The following ZFPM2 variants were observed in gnomAD, a reference collection of about 807,000 sequenced individuals.
ZFPM2 encodes the protein zinc finger protein ZFPM2.
A neutral mutation model predicts 98.6 loss-of-function variants in ZFPM2; 20 were observed. That is an observed-to-expected ratio of 0.20 (90% CI 0.14 to 0.29). The LOEUF is 0.29. ZFPM2 is among the 10% of genes least tolerant of loss of function. The pLI is 1.00. For missense variants in ZFPM2, 1,310 were observed against 1,388.6 expected, an observed-to-expected ratio of 0.94 and a Z score of 0.90; for synonymous variants, 518 against 502.7, an observed-to-expected ratio of 1.03 and a Z score of -0.41.
intron 3 of ZFPM2, among the ~76,000 whole-genome samples, chr8:105,516,502 G>GT (rs1289180549): frequency 6.6e-6 from 1 of 152,140 alleles, no homozygotes; most frequent in Admixed American, 6.5e-5. Context: ...AATAGTGGTA[G>GT]TTTTTAAAAT....
intron 4 of ZFPM2, among the ~76,000 whole-genome samples, chr8:105,589,779 C>T (rs1815802884): frequency 6.6e-6 from 1 of 152,100 alleles, no homozygotes; most frequent in Non-Finnish European, 1.5e-5. Flanking sequence ...AGTGCAGTGG[C>T]TCAATCTCAG....
intron 1 of ZFPM2, among the ~76,000 whole-genome samples, chr8:105,370,770 T>C (rs1202532391): frequency 6.6e-6 from 1 of 152,236 alleles, no homozygotes; most frequent in Non-Finnish European, 1.5e-5. Context: ...TGTGCTGTAT[T>C]TTATGCCTGA....
intron 1 of ZFPM2, among the ~76,000 whole-genome samples, chr8:105,389,679 CTG>C (rs1174364247): frequency 3.3e-5 from 5 of 152,160 alleles, no homozygotes; most frequent in African/African-American, 1.2e-4. Flanking sequence ...TTTGTAGAGT[CTG>C]TGGTGCTTTG....
intron 5 of ZFPM2, among the ~76,000 whole-genome samples, chr8:105,731,746 GTAATT>G (rs1330000952): frequency 6.6e-6 from 1 of 151,698 alleles, no homozygotes; most frequent in Non-Finnish European, 1.5e-5. Context: ...AGAATGTATT[GTAATT>G]TAATGTCCAG....
intron 2 of ZFPM2, among the ~76,000 whole-genome samples, chr8:105,423,919 T>C (rs1291724796): frequency 6.6e-6 from 1 of 152,184 alleles, no homozygotes; most frequent in South Asian, 2.1e-4. Flanking sequence ...TCCAGGAGAA[T>C]GTCACAAAAT....
chr8:105,719,343 C>T (rs1169505972), intron 5 of ZFPM2, among the ~76,000 whole-genome samples: 1 of 151,862 alleles, frequency 6.6e-6, no homozygotes, highest in African/African-American at 2.4e-5. Context: ...ACAAAAAGTA[C>T]ACACGCAATA....
intron 5 of ZFPM2, among the ~76,000 whole-genome samples, chr8:105,638,617 C>A (rs1816893407): frequency 6.6e-6 from 1 of 151,864 alleles, no homozygotes; most frequent in African/African-American, 2.4e-5. Context: ...TGACATTTTG[C>A]AAAAATGCCT....
chr8:105,657,686 T>A (rs1258597003), intron 5 of ZFPM2, among the ~76,000 whole-genome samples: 1 of 152,212 alleles, frequency 6.6e-6, no homozygotes, highest in Non-Finnish European at 1.5e-5. Flanking sequence ...TCCTTGTAGC[T>A]ACTTCACAAA....
At chr8:105,598,211 C>T (rs1383011797) in intron 4 of ZFPM2, among the ~76,000 whole-genome samples, 26 of 151,836 alleles carry the variant, frequency 1.7e-4, no homozygotes, top group African/African-American at 5.8e-4. Flanking sequence ...GGCTTGCTTG[C>T]GCGGAGTCCA....
chr8:105,751,494 A>G (rs890573554), intron 5 of ZFPM2, among the ~76,000 whole-genome samples: 5 of 152,082 alleles, frequency 3.3e-5, no homozygotes, highest in African/African-American at 1.2e-4. Flanking sequence ...CTCTGACCTC[A>G]TGACTCACAA....
chr8:105,538,853 C>T (rs182942566), intron 3 of ZFPM2, among the ~76,000 whole-genome samples: 16 of 151,998 alleles, frequency 1.1e-4, no homozygotes, highest in African/African-American at 3.9e-4. Context: ...CTCTACAAAA[C>T]ATTAAAAATA....
intron 3 of ZFPM2, among the ~76,000 whole-genome samples, chr8:105,513,988 G>A (rs948025161): frequency 6.8e-6 from 1 of 147,276 alleles, no homozygotes; most frequent in African/African-American, 2.6e-5. Flanking sequence ...TTTGAAATTA[G>A]TAGGTCCGGA....
At chr8:105,372,040 TATTATTA>T (rs1458390325) in intron 1 of ZFPM2, among the ~76,000 whole-genome samples, 5 of 143,966 alleles carry the variant, frequency 3.5e-5, no homozygotes, top group African/African-American at 1.3e-4. Flanking sequence ...TTATTATTAT[TATTATTA>T]TTTTATTTTT....
At chr8:105,467,893 GGAA>G (rs1812823641) in intron 3 of ZFPM2, among the ~76,000 whole-genome samples, 1 of 151,874 alleles carries the variant, frequency 6.6e-6, no homozygotes, top group Admixed American at 6.6e-5. Flanking sequence ...GGGGTTCATT[GGAA>G]GGGTAAGGAT....
intron 2 of ZFPM2, among the ~76,000 whole-genome samples, chr8:105,422,693 T>TA (rs1377780366): frequency 6.6e-6 from 1 of 152,132 alleles, no homozygotes; most frequent in Admixed American, 6.5e-5. Context: ...AAGGATATCT[T>TA]AAAAGTTCAG....
At chr8:105,481,663 A>G (rs1047320780) in intron 3 of ZFPM2, among the ~76,000 whole-genome samples, 27 of 152,160 alleles carry the variant, frequency 1.8e-4, no homozygotes, top group Non-Finnish European at 1.0e-4. Context: ...TTGAGCAACC[A>G]CCAATGGGTC....
chr8:105,555,607 G>T (rs112351084), intron 3 of ZFPM2, among the ~76,000 whole-genome samples: 1 of 152,088 alleles, frequency 6.6e-6, no homozygotes, highest in Non-Finnish European at 1.5e-5. Context: ...AATTATTAAA[G>T]AAATTTGTAG....
At chr8:105,638,102 T>A (rs1180470000) in intron 5 of ZFPM2, among the ~76,000 whole-genome samples, 1 of 152,024 alleles carries the variant, frequency 6.6e-6, no homozygotes, top group Non-Finnish European at 1.5e-5. Context: ...GGCTCTTCTT[T>A]CTTGTGTGGG....
At chr8:105,580,815 C>CTA (rs1815575163) in intron 4 of ZFPM2, among the ~76,000 whole-genome samples, 1 of 110,016 alleles carries the variant, frequency 9.1e-6, no homozygotes, top group African/African-American at 4.1e-5. Flanking sequence ...CTCTCTCTCT[C>CTA]TCTCTCTCTC....
Sources: gnomAD v4.1 joint callset for allele counts (sites outside exome capture counted in the v4.1 genomes callset) on GRCh38, gnomAD v4.1.1 for gene constraint, MANE v1.5 for transcripts, NCBI Gene and HGNC (gene_info 2026-07-23, HGNC 2026-07-21) for gene names.